Variants in HMGN5 observed in about 807,000 individuals in gnomAD.
The protein encoded by HMGN5 is high mobility group nucleosome binding domain 5.
In HMGN5, 4 loss-of-function variants were observed where a neutral mutation model predicts 9.5. The observed-to-expected ratio is 0.42, with a 90% confidence interval of 0.21 to 0.96. HMGN5 has a LOEUF of 0.96. Ranked by LOEUF, HMGN5 falls within the 40% of genes least tolerant of loss-of-function variation. HMGN5 has a pLI of 0.30. For missense variants in HMGN5, 192 were observed against 187.5 expected, an observed-to-expected ratio of 1.02 and a Z score of -0.14; for synonymous variants, 55 against 57.1, an observed-to-expected ratio of 0.96 and a Z score of 0.16.
At chrX:81,196,533 TTTTG>T (rs1321981722) in intron 1 of HMGN5, among the ~76,000 whole-genome samples, 2 of 108,680 alleles carry the variant, frequency 1.8e-5, no homozygotes, top group African/African-American at 6.8e-5. Context: ...CATGGGTTTT[TTTTG>T]TTTGTTTGTT....
intron 1 of HMGN5, among the ~76,000 whole-genome samples, chrX:81,159,547 G>A (rs1416894657): frequency 9.0e-6 from 1 of 111,643 alleles, no homozygotes; most frequent in Admixed American, 9.5e-5. Flanking sequence ...TACCCAGAGG[G>A]CCAAAGCATC....
At chrX:81,198,679 C>T (rs1272655965) in intron 1 of HMGN5, among the ~76,000 whole-genome samples, 5 of 111,630 alleles carry the variant, frequency 4.5e-5, no homozygotes, top group African/African-American at 1.3e-4. Context: ...ATTTAACAGC[C>T]CTTCATGCTA....
At chrX:81,192,207 C>T (rs1229379772) in intron 1 of HMGN5, among the ~76,000 whole-genome samples, 1 of 111,443 alleles carries the variant, frequency 9.0e-6, no homozygotes, top group South Asian at 3.7e-4. Context: ...AGTTTAGTAA[C>T]TTTGCTTCTA....
chrX:81,176,251 A>C (rs1260374925), intron 1 of HMGN5, among the ~76,000 whole-genome samples: 1 of 112,004 alleles, frequency 8.9e-6, no homozygotes, highest in African/African-American at 3.3e-5. Flanking sequence ...AACAAAAAGG[A>C]CATCTACACC....
chrX:81,130,200 G>A (rs749830062), intron 1 of HMGN5, among the ~76,000 whole-genome samples: 3 of 111,037 alleles, frequency 2.7e-5, no homozygotes, highest in East Asian at 5.7e-4. Flanking sequence ...GTTGGAGTAA[G>A]AATGGTAACA....
At chrX:81,143,509 G>A (rs2075334964) in intron 1 of HMGN5, among the ~76,000 whole-genome samples, 1 of 112,239 alleles carries the variant, frequency 8.9e-6, no homozygotes, top group African/African-American at 3.2e-5. Context: ...AGTGAATGCA[G>A]CCCATGCAGG....
intron 1 of HMGN5, among the ~76,000 whole-genome samples, chrX:81,128,878 G>A (rs1045297728): frequency 9.0e-6 from 1 of 111,727 alleles, no homozygotes; most frequent in Non-Finnish European, 1.9e-5. Context: ...ATTAATTTTT[G>A]CTTTGTTTAC....
chrX:81,182,531 G>T (rs1294614388), intron 1 of HMGN5, among the ~76,000 whole-genome samples: 1 of 111,410 alleles, frequency 9.0e-6, no homozygotes, highest in Admixed American at 9.5e-5. Context: ...GTGATATCTG[G>T]TTGTTTAAAA....
At chrX:81,121,315 A>G (rs1366462275) in intron 2 of HMGN5, among the ~76,000 whole-genome samples, 1 of 111,221 alleles carries the variant, frequency 9.0e-6, no homozygotes, top group Non-Finnish European at 1.9e-5. Flanking sequence ...TTCTCTCCTT[A>G]AACAGAACAC....
At chrX:81,117,498 A>G (rs1395069338) in intron 5 of HMGN5, among the ~76,000 whole-genome samples, 1 of 109,222 alleles carries the variant, frequency 9.2e-6, no homozygotes, top group Admixed American at 9.8e-5. Context: ...GCCCATCTCA[A>G]CCTTCCAGAG....
intron 1 of HMGN5, among the ~76,000 whole-genome samples, chrX:81,123,996 A>G (rs1250741069): frequency 8.9e-6 from 1 of 111,864 alleles, no homozygotes; most frequent in Non-Finnish European, 1.9e-5. Context: ...GTCCAAGTGG[A>G]TTGAAACAAA....
rs763921404 is a variant in HMGN5, at chrX:81,189,370, A to G, written c.-124+12367T>C. On this transcript the variant is annotated intron_variant, in intron 1 of 6. Coordinates refer to ENST00000358130, the MANE Select transcript of HMGN5 (RefSeq NM_030763.3). ...GTGTTTTCAAATAGAATATTTTCAA[A>G]TAGCTCTACCTATTTGTCTCTACCT... 9.0e-5 allele frequency among the ~76,000 whole-genome samples: 10 copies of G among 111,569 alleles called. No individual in the cohort carries two copies. The South Asian group carries it at 3.0e-3, about 33-fold the overall frequency.
intron 1 of HMGN5, among the ~76,000 whole-genome samples, chrX:81,128,315 A>G (rs892098003): frequency 9.0e-6 from 1 of 111,486 alleles, no homozygotes; most frequent in African/African-American, 3.2e-5. Flanking sequence ...ACAAATTTTA[A>G]TGACGATAGT....
chrX:81,189,598 T>G (rs2075488298), intron 1 of HMGN5, among the ~76,000 whole-genome samples: 1 of 112,503 alleles, frequency 8.9e-6, no homozygotes, highest in Non-Finnish European at 1.9e-5. Context: ...ATTTCATTTT[T>G]GGATGTACCA....
At chrX:81,169,052 G>C (rs1394748839) in intron 1 of HMGN5, among the ~76,000 whole-genome samples, 1 of 111,412 alleles carries the variant, frequency 9.0e-6, no homozygotes, top group Non-Finnish European at 1.9e-5. Context: ...TTTCTAGAGA[G>C]GCCTCAGGAA....
chrX:81,117,757 A>G lies in HMGN5; in HGVS notation c.129+675T>C, dbSNP rs144275752. 1.5e-3 allele frequency among the ~76,000 whole-genome samples: 164 copies of G among 111,102 alleles called. 1 individual carries two copies. The East Asian group carries it at 0.037, about 25-fold the overall frequency. ...TTTTAATAAAGGATTTCATTTATGAACATAATGACAGTTTATACTTTCTTC... is the reference window on the plus strand; with the variant it reads ...TTTTAATAAAGGATTTCATTTATGAGCATAATGACAGTTTATACTTTCTTC... On this transcript the variant is annotated intron_variant, in intron 5 of 6. Coordinates refer to ENST00000358130, the MANE Select transcript of HMGN5 (RefSeq NM_030763.3).
chrX:81,181,886 G>A (rs143349259), intron 1 of HMGN5, among the ~76,000 whole-genome samples: 1,287 of 112,053 alleles, frequency 0.011, 18 homozygotes, highest in African/African-American at 0.039. Flanking sequence ...TGGCTATTGG[G>A]AATAGGGCTG....
intron 1 of HMGN5, among the ~76,000 whole-genome samples, chrX:81,163,297 A>T (rs2075402625): frequency 8.9e-6 from 1 of 112,280 alleles, no homozygotes; most frequent in Non-Finnish European, 1.9e-5. Context: ...GTGGAGCACA[A>T]ACAATCCATC....
chrX:81,167,762 A>G (rs1271760750), intron 1 of HMGN5, among the ~76,000 whole-genome samples: 1 of 111,989 alleles, frequency 8.9e-6, no homozygotes, highest in Non-Finnish European at 1.9e-5. Flanking sequence ...GAAACATTTG[A>G]TTTTTTTATG....
Sources: allele counts gnomAD v4.1 joint callset (sites outside exome capture counted in the v4.1 genomes callset), GRCh38; gene constraint gnomAD v4.1.1; transcripts MANE v1.5; gene names NCBI Gene and HGNC (gene_info 2026-07-23, HGNC 2026-07-21).